Variants in REPS1 observed in about 807,000 individuals in gnomAD.
REPS1 encodes RALBP1 associated Eps domain containing 1.
A neutral mutation model predicts 100.9 loss-of-function variants in REPS1; 39 were observed. The observed-to-expected ratio is 0.39, with a 90% CI of 0.30 to 0.50. The LOEUF is 0.50. REPS1 is among the 20% of genes least tolerant of loss of function. REPS1 has a pLI of 0.86. For missense variants in REPS1, 821 were observed against 968.5 expected (o/e 0.85, Z 2.02); for synonymous variants, 324 against 340.3 (o/e 0.95, Z 0.53).
At chr6:138,969,409 C>A (rs1006720423) in intron 1 of REPS1, among the ~76,000 whole-genome samples, 2 of 150,598 alleles carry the variant, frequency 1.3e-5, no homozygotes, top group South Asian at 4.2e-4. Flanking sequence ...TCTGCCTTAG[C>A]CTCCTGAGCA....
At position 138,955,457 on chromosome 6, in the gene REPS1, A is replaced by AGTGTGTGTGTGT. The variant is rs1554294151; in HGVS notation, c.154-7556_154-7545dup. On this transcript the variant is annotated intron_variant, in intron 1 of 19. Coordinates refer to ENST00000450536, the MANE Select transcript of REPS1 (RefSeq NM_001286611.2). ...TGTCTCTTTAAAAAAAAAAAAAAAA[A>AGTGTGTGTGTGT]GTGTGTGTGTGTGTGTGTGTGTGTG... Among the ~76,000 whole-genome samples the AGTGTGTGTGTGT allele has an allele frequency of 7.6e-3, 692 of 90,668 alleles. 12 individuals carry two copies. The highest frequency in any genetic ancestry group is 0.018 in the African/African-American group (351 of 19,410). The allele number at this position is 90,668 out of a possible 152,430, so 59.5% of individuals were successfully genotyped here.
intron 8 of REPS1, among the ~76,000 whole-genome samples, chr6:138,938,179 T>A (rs9376386): frequency 0.14 from 21,726 of 152,206 alleles, 1,842 homozygotes; most frequent in South Asian, 0.36. Flanking sequence ...TATTAAATAT[T>A]CTAATTCAGG....
chr6:138,975,654 G>A (rs1376654109), intron 1 of REPS1, among the ~76,000 whole-genome samples: 1 of 152,098 alleles, frequency 6.6e-6, no homozygotes, highest in African/African-American at 2.4e-5. Context: ...CCAACATGAT[G>A]AAACCCCATC....
At chr6:138,937,954 A>G (rs1185286413) in intron 8 of REPS1, among the ~76,000 whole-genome samples, 1 of 152,186 alleles carries the variant, frequency 6.6e-6, no homozygotes, top group Non-Finnish European at 1.5e-5. Context: ...AAGATTCTTT[A>G]GATATTAAAA....
intron 8 of REPS1, among the ~76,000 whole-genome samples, chr6:138,933,008 T>TG (rs1433219755): frequency 6.6e-6 from 1 of 152,210 alleles, no homozygotes; most frequent in Non-Finnish European, 1.5e-5. Context: ...TGTCAACATC[T>TG]GAAAGATCTG....
Position 138,987,805 on chromosome 6 carries a change from C to T in REPS1, c.-123G>A. The stretch of plus-strand genomic sequence containing the variant: ...CTGCTAGCTTCCCGAAAACGCCGGC[C>T]CCGGCCTCACACGCGCCAGGTGCGC... On this transcript the variant is annotated 5_prime_UTR_variant, in exon 1 of 20. Coordinates refer to ENST00000450536, the MANE Select transcript of REPS1 (RefSeq NM_001286611.2). 2.4e-6 allele frequency: 3 copies of T among 1,257,640 alleles called. No homozygotes were observed. Among genetic ancestry groups the T allele is most frequent in the Non-Finnish European group, 3.1e-6 (3 of 968,178 alleles). The allele number at this position is 1,257,640 out of a possible 1,614,324, so 77.9% of individuals were successfully genotyped here.
intron 19 of REPS1, among the ~76,000 whole-genome samples, chr6:138,905,420 T>C (rs1035987908): frequency 4.0e-5 from 6 of 150,684 alleles, no homozygotes; most frequent in African/African-American, 7.3e-5. Flanking sequence ...GCCTCCCGAG[T>C]AGCTGGGACT....
intron 1 of REPS1, chr6:138,950,956 A>C (rs1338787634): frequency 1.3e-5 from 2 of 152,188 alleles, no homozygotes; most frequent in African/African-American, 4.8e-5. Flanking sequence ...TTTGGGAGCC[A>C]AGGTGGGCGA....
chr6:138,919,181 T>C (rs1780594386), intron 12 of REPS1, among the ~76,000 whole-genome samples: 1 of 152,112 alleles, frequency 6.6e-6, no homozygotes, highest in African/African-American at 2.4e-5. Context: ...GACTCCTTTC[T>C]CTCTTACATC....
intron 12 of REPS1, among the ~76,000 whole-genome samples, chr6:138,919,259 T>A (rs1331303507): frequency 1.9e-4 from 29 of 151,898 alleles, no homozygotes; most frequent in Non-Finnish European, 1.5e-5. Flanking sequence ...ATAGCCAGAG[T>A]CCAGCCACTT....
At chr6:138,943,718 T>A (rs1782418348) in intron 6 of REPS1, 135 bp downstream of exon 6, 2 of 1,044,880 alleles carry the variant, frequency 1.9e-6, no homozygotes, top group African/African-American at 1.6e-5. Flanking sequence ...CCAGTGATTA[T>A]AAATTCTTTT....
chr6:138,971,319 C>T (rs1487627693), intron 1 of REPS1, among the ~76,000 whole-genome samples: 1 of 152,156 alleles, frequency 6.6e-6, no homozygotes, highest in African/African-American at 2.4e-5. Flanking sequence ...TGACGTGGCA[C>T]ATGTCTCAGT....
At chr6:138,932,256 A>G (rs1781527121) in intron 8 of REPS1, among the ~76,000 whole-genome samples, 1 of 151,936 alleles carries the variant, frequency 6.6e-6, no homozygotes. Flanking sequence ...CGCTATTTCA[A>G]TAGAGTTATT....
chr6:138,969,859 A>ATTTTTTTTTTTTTTTTTTTTTTTTTTTT (rs56070030), intron 1 of REPS1, among the ~76,000 whole-genome samples: 4 of 94,636 alleles, frequency 4.2e-5, no homozygotes, highest in Non-Finnish European at 5.8e-5. Context: ...GTGAATTGGG[A>ATTTTTTTTTTTTTTTTTTTTTTTTTTTT]TTTTTTTTTT....
chr6:138,940,573 T>C (rs908083915), intron 8 of REPS1, among the ~76,000 whole-genome samples: 1 of 151,638 alleles, frequency 6.6e-6, no homozygotes, highest in Admixed American at 6.6e-5. Context: ...GGTGAAACCC[T>C]ATCTCTACTA....
intron 1 of REPS1, among the ~76,000 whole-genome samples, chr6:138,952,290 T>C (rs559514691): frequency 1.1e-4 from 17 of 152,174 alleles, no homozygotes; most frequent in Non-Finnish European, 2.2e-4. Flanking sequence ...TATGATCTTA[T>C]ATAAATGGAA....
In REPS1 at chr6:138,954,780, G is replaced by A. The variant is rs367969464; in HGVS notation, c.154-6867C>T. Among the ~76,000 whole-genome samples the A allele has an allele frequency of 2.0e-5, 3 of 152,286 alleles. 1 individual carries two copies. ...CCTATTAGCTATGCAATATAAATCT[G>A]AAAGCAACTTGTAATAAAGCTACCA... is the stretch of plus-strand genomic sequence containing the variant. On this transcript the variant is annotated intron_variant, in intron 1 of 19. Coordinates refer to ENST00000450536, the MANE Select transcript of REPS1 (RefSeq NM_001286611.2).
intron 14 of REPS1, among the ~76,000 whole-genome samples, chr6:138,915,635 T>C (rs768318523): frequency 5.3e-5 from 8 of 151,996 alleles, no homozygotes; most frequent in Non-Finnish European, 1.0e-4. Context: ...GTATTTTTAG[T>C]AGAGATGGGG....
At chr6:138,962,404 AT>A (rs1319956782) in intron 1 of REPS1, among the ~76,000 whole-genome samples, 3 of 151,786 alleles carry the variant, frequency 2.0e-5, no homozygotes, top group Admixed American at 6.6e-5. Context: ...ATTATTACAT[AT>A]TTTTTATATA....
Sources: allele counts gnomAD v4.1 joint callset (sites outside exome capture counted in the v4.1 genomes callset), GRCh38; gene constraint gnomAD v4.1.1; transcripts MANE v1.5; gene names NCBI Gene and HGNC (gene_info 2026-07-23, HGNC 2026-07-21).